PTPRD: variants seen among roughly 807,000 people sequenced by gnomAD.
PTPRD encodes the protein receptor-type tyrosine-protein phosphatase delta.
Under a neutral mutation model 214.5 loss-of-function variants are expected in PTPRD, and 34 were observed. The observed-to-expected ratio is 0.16, with a 90% CI of 0.12 to 0.21. PTPRD has a LOEUF of 0.21. Among genes scored for constraint, PTPRD ranks in the 10% least tolerant of loss-of-function variants. The pLI is 1.00. For synonymous variants in PTPRD, 1,128 were observed against 845.7 expected, an observed-to-expected ratio of 1.33 and a Z score of -5.79; for missense variants, 2,545 against 2,398.7, an observed-to-expected ratio of 1.06 and a Z score of -1.27.
chr9:8,351,423 G>C lies in PTPRD; in HGVS notation c.4662-9445C>G, dbSNP rs528290881. Reference sequence around the variant, plus strand: ...TTTTGTAGCTTTTTTTTTTAACAAGGATAACATAATAATCTAATAATGGAA... The same window carrying C: ...TTTTGTAGCTTTTTTTTTTAACAAGCATAACATAATAATCTAATAATGGAA... On this transcript the variant is annotated intron_variant, in intron 39 of 45. Coordinates refer to ENST00000381196, the MANE Select transcript of PTPRD (RefSeq NM_002839.4). Among the ~76,000 whole-genome samples, 4 of 151,250 alleles carry C rather than the reference G, an allele frequency of 2.6e-5. No homozygotes were observed. The South Asian group carries it at 6.3e-4, about 24-fold the overall frequency.
intron 9 of PTPRD, among the ~76,000 whole-genome samples, chr9:9,371,996 G>C (rs577523255): frequency 6.6e-6 from 1 of 152,214 alleles, no homozygotes; most frequent in Non-Finnish European, 1.5e-5. Flanking sequence ...TATAATTTCT[G>C]TTCTTTTACA....
chr9:9,016,477 G>A (rs1195593767), intron 11 of PTPRD, among the ~76,000 whole-genome samples: 2 of 152,090 alleles, frequency 1.3e-5, no homozygotes, highest in Non-Finnish European at 2.9e-5. Flanking sequence ...AGATTTACAT[G>A]AGAGAATATA....
intron 10 of PTPRD, among the ~76,000 whole-genome samples, chr9:9,124,431 T>C (rs898303050): frequency 2.6e-5 from 4 of 152,308 alleles, no homozygotes; most frequent in African/African-American, 9.6e-5. Flanking sequence ...ATATATTTAC[T>C]GATGCATTTC....
At chr9:10,488,830 A>G (rs1293497829) in intron 2 of PTPRD, among the ~76,000 whole-genome samples, 3 of 152,124 alleles carry the variant, frequency 2.0e-5, no homozygotes, top group Non-Finnish European at 4.4e-5. Context: ...ATATTACCCG[A>G]CTTGGGACTC....
intron 12 of PTPRD, among the ~76,000 whole-genome samples, chr9:8,720,995 A>G (rs149116228): frequency 2.5e-3 from 361 of 146,576 alleles, no homozygotes; most frequent in African/African-American, 8.7e-3. Flanking sequence ...CCCATCACCT[A>G]TTCACCTTTT....
intron 3 of PTPRD, among the ~76,000 whole-genome samples, chr9:10,077,104 TTTTA>T (rs1176716745): frequency 2.6e-5 from 4 of 152,160 alleles, no homozygotes; most frequent in Non-Finnish European, 5.9e-5. Context: ...TTCACGTTCA[TTTTA>T]TTTATTTCCC....
At chr9:8,437,206 T>G in intron 34 of PTPRD, 2 of 1,524,000 alleles carry the variant, frequency 1.3e-6, no homozygotes, top group Non-Finnish European at 1.8e-6. Context: ...ACTTGAAGAA[T>G]GAAGGTTACC....
intron 7 of PTPRD, among the ~76,000 whole-genome samples, chr9:9,634,045 T>A (rs1007793844): frequency 6.6e-6 from 1 of 152,166 alleles, no homozygotes; most frequent in Non-Finnish European, 1.5e-5. Flanking sequence ...CAGATCTTAA[T>A]TCTTTTTATT....
At chr9:8,713,790 C>G (rs983084753) in intron 12 of PTPRD, 1 of 1,537,480 alleles carries the variant, frequency 6.5e-7, no homozygotes, top group African/African-American at 1.4e-5. Flanking sequence ...GGGTCCTGCG[C>G]CTTCAGCACA....
intron 30 of PTPRD, among the ~76,000 whole-genome samples, chr9:8,474,858 C>A (rs1463412276): frequency 2.6e-5 from 4 of 152,194 alleles, no homozygotes; most frequent in Admixed American, 2.6e-4. Context: ...GCTGGCCCTA[C>A]TTTTGAAGGC....
At chr9:10,330,197 C>A (rs1482843148) in intron 3 of PTPRD, among the ~76,000 whole-genome samples, 2 of 151,804 alleles carry the variant, frequency 1.3e-5, no homozygotes, top group Non-Finnish European at 2.9e-5. Context: ...TGACCTTACT[C>A]TGCTCTGTGT....
chr9:8,460,680 G>T, intron 32 of PTPRD, 109 bp from the exon 33 acceptor site: 1 of 1,089,386 alleles, frequency 9.2e-7, no homozygotes, highest in South Asian at 1.7e-5. Context: ...TTAATGATAA[G>T]TGTGTGATGC....
rs556058153 is a variant in PTPRD, at chr9:8,847,740, T to A, written c.-103-113794A>T. Among the ~76,000 whole-genome samples the A allele has an allele frequency of 1.9e-4, 24 of 125,104 alleles. No individual in the cohort carries two copies. In the South Asian group the frequency reaches 5.0e-3, roughly 26 times the overall value. The allele number at this position is 125,104 out of a possible 152,430, so 82.1% of individuals were successfully genotyped here. A position where few individuals can be genotyped will look rare whatever the true frequency, so the allele number is the denominator to read the frequency against. The stretch of plus-strand genomic sequence containing the variant: ...AGACAAGGAGAAGAGGCTAAACTAT[T>A]ATAAAATAGGTTAAATGGAAAAAAT... On this transcript the variant is annotated intron_variant, in intron 11 of 45. Coordinates refer to ENST00000381196, the MANE Select transcript of PTPRD (RefSeq NM_002839.4).
chr9:9,602,148 C>T (rs1052501502), intron 7 of PTPRD, among the ~76,000 whole-genome samples: 1 of 151,928 alleles, frequency 6.6e-6, no homozygotes, highest in African/African-American at 2.4e-5. Flanking sequence ...CACTTCATTC[C>T]TATTACCTTT....
chr9:10,410,856 G>A (rs559084781), intron 2 of PTPRD, among the ~76,000 whole-genome samples: 2 of 151,748 alleles, frequency 1.3e-5, no homozygotes, highest in South Asian at 4.1e-4. Flanking sequence ...GTTAAGACTA[G>A]TGTGTTTGGA....
At chr9:10,003,681 A>T (rs2096392675) in intron 4 of PTPRD, among the ~76,000 whole-genome samples, 2 of 151,746 alleles carry the variant, frequency 1.3e-5, no homozygotes, top group Non-Finnish European at 3.0e-5. Context: ...AGGCTGATAA[A>T]ACATATGACA....
intron 35 of PTPRD, among the ~76,000 whole-genome samples, chr9:8,433,408 TAAA>T (rs1056540494): frequency 2.0e-5 from 3 of 152,170 alleles, no homozygotes; most frequent in African/African-American, 7.2e-5. Flanking sequence ...TTTATTAAAA[TAAA>T]AAGAACTTTA....
intron 9 of PTPRD, among the ~76,000 whole-genome samples, chr9:9,332,033 C>G (rs2042506644): frequency 1.3e-5 from 2 of 152,050 alleles, no homozygotes. Context: ...TTTGTTCCCT[C>G]TCTGCGGAGT....
chr9:10,444,159 G>A (rs2098782049), intron 2 of PTPRD, among the ~76,000 whole-genome samples: 1 of 151,676 alleles, frequency 6.6e-6, no homozygotes, highest in African/African-American at 2.4e-5. Flanking sequence ...AAAGCCATCA[G>A]CTTATGTTAG....
Sources: gnomAD v4.1 joint callset for allele counts (sites outside exome capture counted in the v4.1 genomes callset) on GRCh38, gnomAD v4.1.1 for gene constraint, MANE v1.5 for transcripts, NCBI Gene and HGNC (gene_info 2026-07-23, HGNC 2026-07-21) for gene names.